RTN4: variants seen among roughly 807,000 people sequenced by gnomAD.
RTN4 encodes the protein reticulon-4.
Under a neutral mutation model 90.4 loss-of-function variants are expected in RTN4, and 32 were observed. The ratio of observed to expected loss-of-function variants is 0.35; its 90% CI spans 0.27 to 0.48. The LOEUF is 0.48. Among genes scored for constraint, RTN4 ranks in the 20% least tolerant of loss-of-function variants. The probability of loss-of-function intolerance (pLI) is 0.99; values close to 1 mark genes in which losing one functional copy is unlikely to be tolerated. For synonymous variants in RTN4, 629 were observed against 552.5 expected (o/e 1.14, Z -1.94); for missense variants, 1,706 against 1,430.2 (o/e 1.19, Z -3.11).
chr2:55,081,580 C>G (rs988940183), intron 1 of RTN4, among the ~76,000 whole-genome samples: 5 of 152,112 alleles, frequency 3.3e-5, no homozygotes, highest in African/African-American at 9.6e-5. Context: ...AAAGAGATAT[C>G]CAGCCAGGCA....
intron 1 of RTN4, among the ~76,000 whole-genome samples, chr2:55,102,275 G>A (rs576479319): frequency 6.6e-6 from 1 of 152,246 alleles, no homozygotes; most frequent in South Asian, 2.1e-4. Context: ...ATCCCTTGAA[G>A]ATGGTATATA....
upstream of RTN4, among the ~76,000 whole-genome samples, chr2:55,054,127 T>A (rs919685724): frequency 1.1e-4 from 17 of 152,156 alleles, no homozygotes; most frequent in Non-Finnish European, 1.8e-4. Context: ...AATAAAAAAA[T>A]TCTTAAGAGT....
Position 55,027,188 on chromosome 2 carries a change from A to G in RTN4, c.911T>C (p.Phe304Ser), listed in dbSNP as rs999015878. 1 of 1,613,738 alleles carries G rather than the reference A, an allele frequency of 6.2e-7. No homozygotes were observed. Reference sequence around the variant, plus strand: ...AGATTCTGCTTTTGGAGAGACACTGAACGATGATCCCATTTCTGAGTATTC... The same window carrying G: ...AGATTCTGCTTTTGGAGAGACACTGGACGATGATCCCATTTCTGAGTATTC... ...ELEYSEMGSS[F>S]SVSPKAESAV... Residue 304 changes from phenylalanine (F) to serine (S), a missense_variant, in exon 3 of 9, where the codon TTC becomes TCC. Transcript: ENST00000337526.
chr2:55,049,626 G>A (rs756923219), intron 1 of RTN4, 119 bp downstream of exon 1: 10 of 1,494,840 alleles, frequency 6.7e-6, no homozygotes, highest in Non-Finnish European at 8.2e-6. Context: ...TCGCCCCGAA[G>A]TCCGCAGACA....
At chr2:54,989,786 T>C (rs960100699) in intron 3 of RTN4, among the ~76,000 whole-genome samples, 3 of 152,148 alleles carry the variant, frequency 2.0e-5, no homozygotes, top group Non-Finnish European at 4.4e-5. Flanking sequence ...ATACTGTAAA[T>C]GGAAACTGAG....
At chr2:54,985,943 AAAAC>A (rs1678523746) in intron 4 of RTN4, among the ~76,000 whole-genome samples, 1 of 152,240 alleles carries the variant, frequency 6.6e-6, no homozygotes, top group South Asian at 2.1e-4. Context: ...CTCCTTATGC[AAAAC>A]AATTAACATT....
At chr2:55,119,483 C>T in the RTN4 span, among the ~76,000 whole-genome samples, 1 of 152,174 alleles carries the variant, frequency 6.6e-6, no homozygotes, top group South Asian at 2.1e-4. Flanking sequence ...CTGGCTTCAT[C>T]CCTTAGATAG....
rs369043066 is a variant in RTN4, at chr2:55,050,336, G to A, written c.-36C>T. ...TGGAGATGATGCTGCAGCTGCTGCC[G>A]CCGCCGCCGGGGCCGCGTCTCAGAG... On this transcript the variant is annotated 5_prime_UTR_variant, in exon 1 of 9. Transcript: ENST00000337526. The surrounding 1 kb of genome is among the most constrained non-coding windows in gnomAD (Gnocchi z 4.6). 10 of 1,324,828 alleles carry A rather than the reference G, an allele frequency of 7.5e-6. No individual in the cohort carries two copies. The highest frequency in any genetic ancestry group is 2.8e-5 in the East Asian group (1 of 35,576). The allele number at this position is 1,324,828 out of a possible 1,614,324, so 82.1% of individuals were successfully genotyped here. A position where few individuals can be genotyped will look rare whatever the true frequency, so the allele number is the denominator to read the frequency against.
intron 3 of RTN4, among the ~76,000 whole-genome samples, chr2:54,994,144 A>G (rs1400831379): frequency 1.3e-5 from 2 of 152,232 alleles, no homozygotes; most frequent in African/African-American, 4.8e-5. Context: ...CTTCTGAGAA[A>G]TATAGTGTTT....
chr2:55,098,776 G>A (rs2920876), intron 1 of RTN4, among the ~76,000 whole-genome samples: 35,796 of 151,902 alleles, frequency 0.24, 5,010 homozygotes, highest in East Asian at 0.46. Flanking sequence ...CCTTTCTTGC[G>A]AATTATTTAT....
rs1194014807 is a variant in RTN4 at position 55,050,348 on chromosome 2, G to C, written c.-48C>G. ...TGCAGCTGCTGCCGCCGCCGCCGGG[G>C]CCGCGTCTCAGAGCCGCGGGCGGTT... On this transcript the variant is annotated 5_prime_UTR_variant, in exon 1 of 9. Transcript: ENST00000337526. The surrounding 1 kb of genome is among the most constrained non-coding windows in gnomAD (Gnocchi z 4.6). 1 of 1,285,712 alleles carries C rather than the reference G, an allele frequency of 7.8e-7. No individual in the cohort carries two copies. Among genetic ancestry groups the C allele is most frequent in the East Asian group, 2.8e-5 (1 of 35,336 alleles). 79.6% of individuals were successfully genotyped at this position (1,285,712 alleles called of 1,614,324 possible). A position where few individuals can be genotyped will look rare whatever the true frequency, so the allele number is the denominator to read the frequency against.
At chr2:55,133,430 T>C in the RTN4 span, among the ~76,000 whole-genome samples, 1 of 152,110 alleles carries the variant, frequency 6.6e-6, no homozygotes, top group Non-Finnish European at 1.5e-5. Flanking sequence ...CTTGTAAAAA[T>C]TGTCAGAAAG....
intron 3 of RTN4, among the ~76,000 whole-genome samples, chr2:54,997,655 C>T (rs1679536770): frequency 6.6e-6 from 1 of 152,090 alleles, no homozygotes; most frequent in Non-Finnish European, 1.5e-5. Context: ...ATCCATATAA[C>T]AGAATATTAT....
At chr2:55,136,083 G>C in the RTN4 span, among the ~76,000 whole-genome samples, 2 of 152,126 alleles carry the variant, frequency 1.3e-5, no homozygotes. Context: ...CAGTGCCAGA[G>C]CTTAAAGGCA....
At chr2:55,002,049 T>TTTTA (rs34110967) in intron 3 of RTN4, among the ~76,000 whole-genome samples, 23,105 of 151,078 alleles carry the variant, frequency 0.15, 2,158 homozygotes, top group South Asian at 0.32. Context: ...TCAAATCTTA[T>TTTTA]TTTATTTATT....
chr2:54,981,634 G>C (rs911364592), intron 5 of RTN4, among the ~76,000 whole-genome samples: 2 of 152,210 alleles, frequency 1.3e-5, no homozygotes, highest in African/African-American at 4.8e-5. Context: ...TGTTTCGTCA[G>C]TCAGAACTTT....
Position 55,102,705 on chromosome 2 carries a change from A to T in RTN4, c.-214+9815T>A, listed in dbSNP as rs1451372283. Among the ~76,000 whole-genome samples the T allele has an allele frequency of 2.6e-5, 4 of 152,246 alleles. No homozygotes were observed. In the South Asian group the frequency reaches 8.3e-4, roughly 32 times the overall value. On this transcript the variant is annotated intron_variant, in intron 1 of 3. Transcript: ENST00000427710. The stretch of plus-strand genomic sequence containing the variant: ...GTCCTGGTATTGAAGGGTAGGAGGT[A>T]GGAGAGGAGAATCCAAGAGATTTAT...
chr2:55,073,000 C>T (rs1668542578), intron 2 of RTN4, among the ~76,000 whole-genome samples: 1 of 152,156 alleles, frequency 6.6e-6, no homozygotes, highest in Non-Finnish European at 1.5e-5. Flanking sequence ...TTCAATCACC[C>T]CTTCTAGCTT....
upstream of RTN4, among the ~76,000 whole-genome samples, chr2:55,116,843 T>G (rs549360038): frequency 6.6e-6 from 1 of 151,774 alleles, no homozygotes; most frequent in Admixed American, 6.6e-5. Flanking sequence ...CTCTCCTTTA[T>G]GCATAGCTGT....
Sources: gnomAD v4.1 joint callset for allele counts (sites outside exome capture counted in the v4.1 genomes callset) on GRCh38, gnomAD v4.1.1 for gene constraint, Gnocchi (gnomAD v3.1) non-coding constraint, MANE v1.5 for transcripts, NCBI Gene and HGNC (gene_info 2026-07-23, HGNC 2026-07-21) for gene names.